Variants in LOC128092253 observed in about 807,000 individuals in gnomAD.
At chr6:133,958,999 T>C in the LOC128092253 span, among the ~76,000 whole-genome samples, 1 of 152,134 alleles carries the variant, frequency 6.6e-6, no homozygotes, top group Non-Finnish European at 1.5e-5. Flanking sequence ...GATAGAGATA[T>C]ATATTTCCTT....
chr6:133,967,190 C>G, the LOC128092253 span, among the ~76,000 whole-genome samples: 4 of 152,174 alleles, frequency 2.6e-5, no homozygotes, highest in Non-Finnish European at 5.9e-5. Context: ...AGGTCCCTAT[C>G]CCCTAGTATG....
chr6:133,966,353 A>T, the LOC128092253 span, among the ~76,000 whole-genome samples: 5 of 152,208 alleles, frequency 3.3e-5, no homozygotes, highest in African/African-American at 1.2e-4. Context: ...ATAAGTATGT[A>T]TAGTAACATT....
the LOC128092253 span, among the ~76,000 whole-genome samples, chr6:133,956,340 G>A: frequency 3.3e-5 from 5 of 152,214 alleles, no homozygotes; most frequent in African/African-American, 4.8e-5. Context: ...GTCTGGTGCC[G>A]TGTCAGGTGT....
chr6:133,964,872 T>C, the LOC128092253 span, among the ~76,000 whole-genome samples: 1 of 152,146 alleles, frequency 6.6e-6, no homozygotes, highest in East Asian at 1.9e-4. Flanking sequence ...ATATGAGGGG[T>C]AACTCTATAA....
At chr6:133,956,868 C>G in the LOC128092253 span, among the ~76,000 whole-genome samples, 1 of 152,198 alleles carries the variant, frequency 6.6e-6, no homozygotes, top group Admixed American at 6.5e-5. Context: ...ATGACTACCA[C>G]TTTGGGAAAT....
the LOC128092253 span, among the ~76,000 whole-genome samples, chr6:133,964,418 T>G: frequency 2.0e-5 from 3 of 151,566 alleles, no homozygotes; most frequent in African/African-American, 4.8e-5. Flanking sequence ...GAACTGTTTG[T>G]TTTTTTTGTT....
At chr6:133,968,553 A>G in the LOC128092253 span, among the ~76,000 whole-genome samples, 1 of 152,234 alleles carries the variant, frequency 6.6e-6, no homozygotes, top group South Asian at 2.1e-4. Flanking sequence ...CTTCAAAACA[A>G]TCATGAGAGG....
the LOC128092253 span, among the ~76,000 whole-genome samples, chr6:133,955,741 G>A: frequency 6.6e-6 from 1 of 152,152 alleles, no homozygotes; most frequent in Non-Finnish European, 1.5e-5. Context: ...GTATTGTAGA[G>A]CCTGTTCTGT....
chr6:133,965,775 A>G, the LOC128092253 span, among the ~76,000 whole-genome samples: 2 of 152,228 alleles, frequency 1.3e-5, 1 homozygote, highest in African/African-American at 4.8e-5. Flanking sequence ...GTGAGTAACT[A>G]GAAATCCTTT....
At chr6:133,970,648 A>AATGCCGTGGTG in the LOC128092253 span, among the ~76,000 whole-genome samples, 1 of 151,012 alleles carries the variant, frequency 6.6e-6, no homozygotes, top group Non-Finnish European at 1.5e-5. Context: ...TCACTCTGTC[A>AATGCCGTGGTG]CCCAGGCTGG....
At chr6:133,965,785 T>C in the LOC128092253 span, among the ~76,000 whole-genome samples, 2 of 152,300 alleles carry the variant, frequency 1.3e-5, no homozygotes, top group African/African-American at 2.4e-5. Flanking sequence ...AGAAATCCTT[T>C]CCATTTTTGA....
At chr6:133,965,762 A>G in the LOC128092253 span, among the ~76,000 whole-genome samples, 7 of 152,346 alleles carry the variant, frequency 4.6e-5, no homozygotes, top group East Asian at 1.3e-3. Context: ...CTTGAGGACT[A>G]CAGTGAGTAA....
At chr6:133,978,539 A>C in the LOC128092253 span, among the ~76,000 whole-genome samples, 2 of 152,180 alleles carry the variant, frequency 1.3e-5, no homozygotes, top group Admixed American at 1.3e-4. Flanking sequence ...ATCAGTTCCT[A>C]TTGTCACCCC....
chr6:133,962,927 G>A, the LOC128092253 span, among the ~76,000 whole-genome samples: 1 of 152,172 alleles, frequency 6.6e-6, no homozygotes, highest in Non-Finnish European at 1.5e-5. Context: ...TATGAGATGG[G>A]GAGAGAATTC....
chr6:133,955,597 G>A, the LOC128092253 span, among the ~76,000 whole-genome samples: 2 of 152,058 alleles, frequency 1.3e-5, no homozygotes, highest in African/African-American at 2.4e-5. Flanking sequence ...AATACAACAG[G>A]TTAAGAGCCT....
At chr6:133,966,899 C>G in the LOC128092253 span, among the ~76,000 whole-genome samples, 1 of 152,186 alleles carries the variant, frequency 6.6e-6, no homozygotes, top group Non-Finnish European at 1.5e-5. Flanking sequence ...AGTCCATCCT[C>G]CCATTGCAGA....
chr6:133,959,380 A>C, the LOC128092253 span, among the ~76,000 whole-genome samples: 1 of 152,138 alleles, frequency 6.6e-6, no homozygotes, highest in African/African-American at 2.4e-5. Context: ...ACAGGTTGCC[A>C]TGGTATCAGT....
At chr6:133,975,176 A>G in the LOC128092253 span, among the ~76,000 whole-genome samples, 2 of 152,174 alleles carry the variant, frequency 1.3e-5, no homozygotes, top group African/African-American at 2.4e-5. Flanking sequence ...AAAAAAAGCA[A>G]GATTGACGAG....
chr6:133,957,385 T>G, the LOC128092253 span, among the ~76,000 whole-genome samples: 1 of 152,224 alleles, frequency 6.6e-6, no homozygotes, highest in Non-Finnish European at 1.5e-5. Flanking sequence ...CAGCATTGAA[T>G]TGTGCTTAGC....
Sources: allele counts gnomAD v4.1 joint callset (sites outside exome capture counted in the v4.1 genomes callset), GRCh38; gene constraint gnomAD v4.1.1; transcripts MANE v1.5.